The following PAX8 variants were observed in gnomAD, a reference collection of about 807,000 sequenced individuals.
The protein encoded by PAX8 is paired box protein Pax-8.
PAX8 carries 15 observed loss-of-function variants against 52.4 expected under a neutral mutation model. The ratio of observed to expected loss-of-function variants is 0.29; its 90% CI spans 0.19 to 0.44. PAX8 has a LOEUF of 0.44. Ranked by LOEUF, PAX8 falls within the 20% of genes least tolerant of loss-of-function variation. The pLI, the probability that PAX8 is intolerant of heterozygous loss-of-function variation, is 1.00. For missense variants in PAX8, 554 were observed against 602.5 expected (o/e 0.92, Z 0.84); for synonymous variants, 284 against 249.7 (o/e 1.14, Z -1.29).
chr2:113,248,656 C>A (rs1691514255), intron 2 of PAX8, among the ~76,000 whole-genome samples: 1 of 152,160 alleles, frequency 6.6e-6, no homozygotes, highest in Non-Finnish European at 1.5e-5. Flanking sequence ...CACTCAATTT[C>A]CCTTTAATAA....
chr2:113,262,617 A>G (rs776017861), intron 2 of PAX8, among the ~76,000 whole-genome samples: 40 of 152,180 alleles, frequency 2.6e-4, no homozygotes, highest in Non-Finnish European at 5.0e-4. Context: ...CCTTGGAAAC[A>G]AGGTCTTTGC....
At position 113,246,900 on chromosome 2, in the gene PAX8, C is replaced by T. The variant is rs947744959; in HGVS notation, c.45G>A (p.Gln15=). 10 of 1,613,860 alleles carry T rather than the reference C, an allele frequency of 6.2e-6. No individual in the cohort carries two copies. The highest frequency in any genetic ancestry group is 8.5e-6 in the Non-Finnish European group (10 of 1,179,894). ...TGCCATTCACAAAGGCCCCTCCCAG[C>T]TGGTTCAGCCCTCCATGGCCTAAGG... ...SIRSGHGGLN[Q]LGGAFVNGRP... Residue 15 remains glutamine (Q), a synonymous_variant, in exon 3 of 12, where the codon CAG becomes CAA. Coordinates refer to ENST00000429538, the MANE Select transcript of PAX8 (RefSeq NM_003466.4).
At position 113,236,731 on chromosome 2, in the gene PAX8, A is replaced by C; in HGVS notation, c.778-10T>G. 1 of 1,555,336 alleles carries C rather than the reference A, an allele frequency of 6.4e-7. No homozygotes were observed. Among genetic ancestry groups the C allele is most frequent in the Non-Finnish European group, 8.7e-7 (1 of 1,151,052 alleles). Reference sequence around the variant, plus strand: ...GCAGCGGGTAGAGGCCCTGGGGAGCAAAGAGAAGTCAGCGCACAGAGACGA... The same window carrying C: ...GCAGCGGGTAGAGGCCCTGGGGAGCCAAGAGAAGTCAGCGCACAGAGACGA... On this transcript the variant is annotated splice_polypyrimidine_tract_variant and intron_variant, in intron 7 of 11. Coordinates refer to ENST00000429538, the MANE Select transcript of PAX8 (RefSeq NM_003466.4).
intron 9 of PAX8, among the ~76,000 whole-genome samples, chr2:113,232,460 A>C (rs1206682435): frequency 1.3e-5 from 2 of 152,188 alleles, no homozygotes; most frequent in Admixed American, 1.3e-4. Flanking sequence ...CTTCAGCATC[A>C]TCTGGGCCTG....
Position 113,241,717 on chromosome 2 carries a change from T to C in PAX8, c.611A>G (p.Asp204Gly). 1 of 1,614,070 alleles carries C rather than the reference T, an allele frequency of 6.2e-7. No individual in the cohort carries two copies. Among genetic ancestry groups the C allele is most frequent in the Non-Finnish European group, 8.5e-7 (1 of 1,180,002 alleles). ...TGAGTCAATGCTTAGTCGGCAGCTATCCTGATCACCTGGTACCCCCCGGGA... is the reference window on the plus strand; with the variant it reads ...TGAGTCAATGCTTAGTCGGCAGCTACCCTGATCACCTGGTACCCCCCGGGA... ...DKRKMDDSDQ[D>G]SCRLSIDSQS... The change falls in exon 7 of 12, where the codon GAT becomes GGT. Residue 204 changes from aspartate (D) to glycine (G), a missense_variant. By Grantham distance (94) the Asp-to-Gly change is moderately conservative (BLOSUM62 -1). Around this residue, in one of 2 missense-constraint regions of PAX8, gnomAD observed 445 missense variants for 409.9 expected, o/e 1.09. Coordinates refer to ENST00000429538, the MANE Select transcript of PAX8 (RefSeq NM_003466.4).
At chr2:113,244,720 G>A in intron 3 of PAX8, 96 bp from the exon 4 acceptor site, 1 of 1,133,124 alleles carries the variant, frequency 8.8e-7, no homozygotes, top group Non-Finnish European at 1.3e-6. Context: ...TGAGGCTTCT[G>A]GGTAGGGGTA....
rs576393159 is a variant in PAX8, at chr2:113,244,520, T to C, written c.296A>G (p.Asn99Ser). ...GATCTCCCAGGCAAACATGGTAGGG[T>C]TCTGGCGTTTGTAGTCCCCAATCTT... ...VEKIGDYKRQ[N>S]PTMFAWEIRD... The change falls in exon 4 of 12, where the codon AAC (asparagine) becomes AGC (serine). Residue 99 changes from asparagine (N) to serine (S), a missense_variant. Around this residue, in one of 2 missense-constraint regions of PAX8, gnomAD observed 109 missense variants for 192.7 expected, o/e 0.57. Transcript: ENST00000429538. 2 of 1,614,102 alleles carry C rather than the reference T, an allele frequency of 1.2e-6. No individual in the cohort carries two copies. The highest frequency in any genetic ancestry group is 1.7e-6 in the Non-Finnish European group (2 of 1,179,978).
chr2:113,244,958 T>G (rs964353500), intron 3 of PAX8, among the ~76,000 whole-genome samples: 5 of 152,188 alleles, frequency 3.3e-5, no homozygotes, highest in African/African-American at 1.2e-4. Flanking sequence ...AAAGGAAATC[T>G]TGGTGTGCCT....
chr2:113,277,254 T>C (rs1234040789), intron 2 of PAX8, among the ~76,000 whole-genome samples: 1 of 152,164 alleles, frequency 6.6e-6, no homozygotes, highest in African/African-American at 2.4e-5. Context: ...GTGAGAAATC[T>C]TCCGGCGCCC....
chr2:113,247,055 G>A (rs1407592255), intron 2 of PAX8, 136 bp from the exon 3 acceptor site: 1 of 827,654 alleles, frequency 1.2e-6, no homozygotes, highest in Non-Finnish European at 2.0e-6. Flanking sequence ...AGGCCCTGTG[G>A]GCCCCTCTGC....
chr2:113,251,202 G>T (rs1356715757), intron 2 of PAX8, among the ~76,000 whole-genome samples: 1 of 152,144 alleles, frequency 6.6e-6, no homozygotes, highest in Non-Finnish European at 1.5e-5. Flanking sequence ...GACTCTTCTG[G>T]GTGAGTCACC....
intron 2 of PAX8, chr2:113,272,454 T>C (rs1693524158): frequency 6.6e-6 from 1 of 152,216 alleles, no homozygotes. Flanking sequence ...GAAATAATTA[T>C]GAATCCTCAA....
At chr2:113,276,678 C>T (rs899892677) in intron 2 of PAX8, 1 of 147,204 alleles carries the variant, frequency 6.8e-6, no homozygotes, top group African/African-American at 2.5e-5. Context: ...AAAAAAAGCT[C>T]ATCTGAGGGA....
At chr2:113,260,186 A>T (rs1276540497) in intron 2 of PAX8, among the ~76,000 whole-genome samples, 1 of 152,224 alleles carries the variant, frequency 6.6e-6, no homozygotes, top group Non-Finnish European at 1.5e-5. Flanking sequence ...TGAGAAACTT[A>T]CAAGTTAATA....
intron 11 of PAX8, among the ~76,000 whole-genome samples, chr2:113,219,543 T>C (rs539266297): frequency 2.8e-4 from 43 of 152,348 alleles, no homozygotes; most frequent in Admixed American, 3.9e-4. Context: ...GAATACTGTC[T>C]TCATCTCAGG....
At chr2:113,259,937 C>A (rs1692545360) in intron 2 of PAX8, among the ~76,000 whole-genome samples, 1 of 152,204 alleles carries the variant, frequency 6.6e-6, no homozygotes, top group South Asian at 2.1e-4. Context: ...GGTATGGCAG[C>A]ACCTGCCGAA....
intron 2 of PAX8, among the ~76,000 whole-genome samples, chr2:113,249,589 T>TA (rs1691602593): frequency 2.6e-5 from 4 of 151,672 alleles, no homozygotes. Context: ...GCCTTTTTTT[T>TA]AAAAAAAGAA....
intron 3 of PAX8, among the ~76,000 whole-genome samples, chr2:113,246,278 A>T (rs1691314835): frequency 6.6e-6 from 1 of 152,236 alleles, no homozygotes; most frequent in Non-Finnish European, 1.5e-5. Context: ...GTAATGTGCT[A>T]CCAGGGCTAT....
chr2:113,245,355 CTA>C (rs1691229056), intron 3 of PAX8, among the ~76,000 whole-genome samples: 1 of 152,178 alleles, frequency 6.6e-6, no homozygotes, highest in Non-Finnish European at 1.5e-5. Flanking sequence ...CAATGACTGA[CTA>C]TTTTCTTTGG....
Sources: gnomAD v4.1 joint callset for allele counts (sites outside exome capture counted in the v4.1 genomes callset) on GRCh38, gnomAD v4.1.1 for gene constraint, gnomAD v4.1.1 regional missense constraint, MANE v1.5 for transcripts, NCBI Gene and HGNC (gene_info 2026-07-23, HGNC 2026-07-21) for gene names.